Variants in ANKMY1 observed in about 807,000 individuals in gnomAD.
The protein encoded by ANKMY1 is ankyrin repeat and MYND domain containing 1.
ANKMY1 carries 98 observed loss-of-function variants against 102.0 expected under a neutral mutation model. The ratio of observed to expected loss-of-function variants is 0.96; its 90% confidence interval spans 0.82 to 1.14. The LOEUF is 1.14. Ranked by LOEUF, ANKMY1 falls within the 50% of genes most tolerant of loss-of-function variation. ANKMY1 has a pLI of 0.00. For synonymous variants in ANKMY1, 582 were observed against 559.9 expected (o/e 1.04, Z -0.56); for missense variants, 1,330 against 1,347.6 (o/e 0.99, Z 0.20).
chr2:240,502,478 G>C (rs2078356791), intron 13 of ANKMY1, among the ~76,000 whole-genome samples: 2 of 152,064 alleles, frequency 1.3e-5, no homozygotes, highest in South Asian at 2.1e-4. Context: ...CCCAACCCCT[G>C]GGAGTCACTG....
Position 240,520,131 on chromosome 2 carries a change from T to G in ANKMY1, c.2004+231A>C. On this transcript the variant is annotated intron_variant, in intron 9 of 17. Transcript: ENST00000401804. This position sits in a 1 kb window ranked among gnomAD's most constrained non-coding sequence, Gnocchi z 4.8. Reference sequence around the variant, plus strand: ...AACACTGGGAAAAAAATCACACGGATCGTGAAGTACTCTAAAAACTAGCTC... The same window carrying G: ...AACACTGGGAAAAAAATCACACGGAGCGTGAAGTACTCTAAAAACTAGCTC... 1.3e-6 allele frequency: 1 copy of G among 748,940 alleles called. No individual in the cohort carries two copies. The highest frequency in any genetic ancestry group is 2.4e-6 in the Non-Finnish European group (1 of 419,306). The allele number at this position is 748,940 out of a possible 1,614,324, so 46.4% of individuals were successfully genotyped here.
intron 15 of ANKMY1, among the ~76,000 whole-genome samples, chr2:240,495,034 A>G (rs1332174050): frequency 6.6e-6 from 1 of 152,186 alleles, no homozygotes; most frequent in African/African-American, 2.4e-5. Context: ...AGAAAAAACG[A>G]GGCCATACAG....
At chr2:240,532,075 T>C (rs1014500246) in intron 4 of ANKMY1, 1 of 468,776 alleles carries the variant, frequency 2.1e-6, no homozygotes, top group African/African-American at 2.0e-5. Context: ...GCACAGGCAA[T>C]ATTTGAAGAA....
chr2:240,502,707 G>A (rs1177101892), intron 13 of ANKMY1, among the ~76,000 whole-genome samples: 3 of 151,710 alleles, frequency 2.0e-5, no homozygotes, highest in Non-Finnish European at 4.4e-5. Flanking sequence ...CTGTCCCAGT[G>A]CTATACCATT....
intron 4 of ANKMY1, among the ~76,000 whole-genome samples, chr2:240,535,032 A>T (rs1367848049): frequency 1.3e-5 from 2 of 152,230 alleles, no homozygotes; most frequent in Admixed American, 6.5e-5. Flanking sequence ...TGGGAGGTCA[A>T]GGCTGCAGTA....
At chr2:240,470,896 G>A in the ANKMY1 span, among the ~76,000 whole-genome samples, 1 of 152,322 alleles carries the variant, frequency 6.6e-6, no homozygotes, top group African/African-American at 2.4e-5. Context: ...AACAAAGTGA[G>A]AGGCTTCAAT....
chr2:240,525,864 G>T lies in ANKMY1; in HGVS notation c.1171-15C>A, dbSNP rs1325184532. 6.2e-7 allele frequency: 1 copy of T among 1,612,724 alleles called. No homozygotes were observed. The highest frequency in any genetic ancestry group is 8.5e-7 in the Non-Finnish European group (1 of 1,179,396). On this transcript the variant is annotated splice_polypyrimidine_tract_variant and intron_variant, in intron 6 of 17. Coordinates refer to ENST00000401804, the MANE Select transcript of ANKMY1 (RefSeq NM_001282771.3). ...TGGCAGTGAGTCTGGAGGGAGATGA[G>T]GCAGGACTCAGGATGATGCACCTGG... is the stretch of plus-strand genomic sequence containing the variant.
chr2:240,526,499 A>G (rs1377006517), intron 5 of ANKMY1, 54 bp from the exon 6 acceptor site: 1 of 1,608,878 alleles, frequency 6.2e-7, no homozygotes, highest in Non-Finnish European at 8.5e-7. Context: ...ACCTCCCACG[A>G]GAAAGGGTCC....
chr2:240,553,107 C>A, intron 3 of ANKMY1, 50 bp from the exon 4 acceptor site: 1 of 1,597,112 alleles, frequency 6.3e-7, no homozygotes, highest in Non-Finnish European at 8.5e-7. Flanking sequence ...CAGAACCTGA[C>A]GGGATGCCCT....
At chr2:240,471,767 A>G in the ANKMY1 span, among the ~76,000 whole-genome samples, 1 of 152,276 alleles carries the variant, frequency 6.6e-6, no homozygotes, top group Admixed American at 6.5e-5. Flanking sequence ...ATGGAGCCCA[A>G]CTGAGAAGGG....
Position 240,520,381 on chromosome 2 carries a change from T to C in ANKMY1, c.1985A>G (p.Asp662Gly). 3 of 1,568,860 alleles carry C rather than the reference T, an allele frequency of 1.9e-6. No homozygotes were observed. The highest frequency in any genetic ancestry group is 1.4e-5 in the African/African-American group (1 of 73,964). The change falls in exon 9 of 18, where the codon GAC becomes GGC. Residue 662 changes from aspartate (D) to glycine (G), a missense_variant. Transcript: ENST00000401804. The surrounding 1 kb of genome is among the most constrained non-coding windows in gnomAD (Gnocchi z 4.8). ...RLLLEHGART[D>G]ICFPPQLSTL... ...TCCTACCTGCGGCGGAAAGCAGATG[T>C]CGGTCCTCGCCCCGTGCTCCAGCAG... is the stretch of plus-strand genomic sequence containing the variant.
rs759696893 is a variant in ANKMY1, at chr2:240,520,394, C to G, written c.1972G>C (p.Gly658Arg). The G allele has an allele frequency of 2.3e-5, 37 of 1,589,884 alleles. No individual in the cohort carries two copies. The highest frequency in any genetic ancestry group is 3.1e-5 in the Non-Finnish European group (36 of 1,168,240). Residue 658 changes from glycine to arginine, a missense_variant, in exon 9 of 18, where the codon GGG becomes CGG. By Grantham distance (125) the Gly-to-Arg change is moderately radical (BLOSUM62 -2). Transcript: ENST00000401804. This position sits in a 1 kb window ranked among gnomAD's most constrained non-coding sequence, Gnocchi z 4.8. ...GGAAAGCAGATGTCGGTCCTCGCCC[C>G]GTGCTCCAGCAGCAGCCTCACCCCA... ...VDGVRLLLEHGARTDICFPPQ... is the reference protein window; with the variant it reads ...VDGVRLLLEHRARTDICFPPQ...
At chr2:240,551,993 T>C (rs1267419519) in intron 4 of ANKMY1, among the ~76,000 whole-genome samples, 3 of 152,240 alleles carry the variant, frequency 2.0e-5, no homozygotes, top group Admixed American at 6.5e-5. Context: ...CACCAGACCA[T>C]GGCATTCAAT....
At chr2:240,491,864 G>A (rs1350629623) in intron 15 of ANKMY1, among the ~76,000 whole-genome samples, 1 of 152,140 alleles carries the variant, frequency 6.6e-6, no homozygotes, top group Non-Finnish European at 1.5e-5. Context: ...TAGACAGTCT[G>A]AGTATAATGT....
rs192464182 is a variant in ANKMY1 at position 240,501,064 on chromosome 2, G to A, written c.2527-499C>T. ...TGCATGCATGGGTATGTGTATGTGT[G>A]TTCATGGGTGGCTGGGTGTGTGCCT... On this transcript the variant is annotated intron_variant, in intron 13 of 17. Transcript: ENST00000401804. 3.9e-3 allele frequency among the ~76,000 whole-genome samples: 596 copies of A among 152,234 alleles called. 3 individuals are homozygous for A. The highest frequency in any genetic ancestry group is 7.4e-3 in the Non-Finnish European group (506 of 68,014).
upstream of ANKMY1, chr2:240,560,395 G>A (rs1279506984): frequency 1.4e-5 from 4 of 290,554 alleles, no homozygotes; most frequent in East Asian, 5.9e-5. Context: ...CGGGGGCGGG[G>A]AGGACGGCGC....
chr2:240,476,243 A>G (rs1433611199), downstream of ANKMY1, among the ~76,000 whole-genome samples: 3 of 152,232 alleles, frequency 2.0e-5, no homozygotes, highest in Admixed American at 6.5e-5. Flanking sequence ...TACAATAGCA[A>G]AAGGAGCCTC....
At position 240,520,424 on chromosome 2, in the gene ANKMY1, C is replaced by G. The variant is rs376796882; in HGVS notation, c.1942G>C (p.Val648Leu). The G allele has an allele frequency of 1.2e-6, 2 of 1,610,266 alleles. No homozygotes were observed. The highest frequency in any genetic ancestry group is 3.4e-5 in the Admixed American group (2 of 59,598). Residue 648 changes from valine to leucine, a missense_variant, in exon 9 of 18, where the codon GTG becomes CTG. Val to Leu is a conservative substitution (Grantham distance 32). Transcript: ENST00000401804. The surrounding 1 kb of genome is among the most constrained non-coding windows in gnomAD (Gnocchi z 4.8). The part of the protein sequence containing the change: ...VLFLAVKAGD[V>L]DGVRLLLEHG... ...TCCAGCAGCAGCCTCACCCCATCCA[C>G]GTCCCCGGCCTTCACAGCAAGGAAC...
chr2:240,509,229 A>ATGGG (rs2152143178), intron 12 of ANKMY1, 119 bp downstream of exon 12: 1 of 752,244 alleles, frequency 1.3e-6, no homozygotes. Context: ...GGATGAATGG[A>ATGGG]TGGATGGATG....
Sources: gnomAD v4.1 joint callset for allele counts (sites outside exome capture counted in the v4.1 genomes callset) on GRCh38, gnomAD v4.1.1 for gene constraint, Gnocchi (gnomAD v3.1) non-coding constraint, MANE v1.5 for transcripts, NCBI Gene and HGNC (gene_info 2026-07-23, HGNC 2026-07-21) for gene names.